VIPR2: variants seen among roughly 807,000 people sequenced by gnomAD.
The protein encoded by VIPR2 is vasoactive intestinal polypeptide receptor 2.
A neutral mutation model predicts 58.0 loss-of-function variants in VIPR2; 48 were observed. The ratio of observed to expected loss-of-function variants is 0.83; its 90% CI spans 0.66 to 1.05. The LOEUF is 1.05. VIPR2 is among the 50% of genes least tolerant of loss of function. The pLI is 0.00. For synonymous variants in VIPR2, 243 were observed against 235.2 expected (o/e 1.03, Z -0.30); for missense variants, 534 against 558.0 (o/e 0.96, Z 0.43).
In VIPR2 at chr7:159,098,465, G is replaced by A. The variant is rs905308720; in HGVS notation, c.357+5292C>T. On this transcript the variant is annotated intron_variant, in intron 4 of 12. Coordinates refer to ENST00000262178, the MANE Select transcript of VIPR2 (RefSeq NM_003382.5). This position sits in a 1 kb window ranked among gnomAD's most constrained non-coding sequence, Gnocchi z 5.2. ...GTCTTGGCAGGAAGAGGACACAGAC[G>A]GGAAGACCTTGGACAGGGAGACTGA... is the stretch of plus-strand genomic sequence containing the variant. Among the ~76,000 whole-genome samples the A allele has an allele frequency of 2.0e-5, 3 of 152,300 alleles. 1 individual carries two copies. The highest frequency in any genetic ancestry group is 4.1e-4 in the South Asian group (2 of 4,830).
intron 4 of VIPR2, among the ~76,000 whole-genome samples, chr7:159,058,844 A>G (rs532776565): frequency 1.2e-3 from 180 of 152,304 alleles, no homozygotes; most frequent in African/African-American, 4.2e-3. Context: ...AGGGAACACG[A>G]CCCGCCACCA....
rs1284867409 is a variant in VIPR2, at chr7:159,043,085, G to A, written c.547C>T (p.Leu183Phe). ...AISVLVKDDV[L>F]YSSSGTLHCP... ...TGCAACGTGCCAGAGCTGGAGTAGA[G>A]AACGTCGTCCTTGACCAGCACTGAG... Residue 183 changes from leucine (L) to phenylalanine (F), a missense_variant, in exon 6 of 13, where the codon CTC becomes TTC. This residue lies in a region of VIPR2 where 224 missense variants were observed against 255.7 expected (regional missense o/e 0.88). Coordinates refer to ENST00000262178, the MANE Select transcript of VIPR2 (RefSeq NM_003382.5). 1.2e-6 allele frequency: 2 copies of A among 1,614,170 alleles called. No homozygotes were observed. The highest frequency in any genetic ancestry group is 1.7e-6 in the Non-Finnish European group (2 of 1,180,038).
rs1404913620 is a variant in VIPR2 at position 159,032,060 on chromosome 7, C to T, written c.979G>A (p.Ala327Thr). ...GGGATAAGCAGGAGCGTGGACTTGG[C>T]CAGCCTCCTGCACAGAAGGAGATGA... is the stretch of plus-strand genomic sequence containing the variant. ...GNDQSQYKRLAKSTLLLIPLF... is the reference protein window; with the variant it reads ...GNDQSQYKRLTKSTLLLIPLF... The change falls in exon 11 of 13, where the codon GCC becomes ACC. Residue 327 changes from alanine to threonine, a missense_variant. Coordinates refer to ENST00000262178, the MANE Select transcript of VIPR2 (RefSeq NM_003382.5). The T allele has an allele frequency of 1.9e-6, 3 of 1,613,986 alleles. No homozygotes were observed. The South Asian group carries it at 3.3e-5, about 18-fold the overall frequency.
intron 7 of VIPR2, 47 bp from the exon 8 acceptor site, chr7:159,036,059 C>T (rs373116728): frequency 1.7e-5 from 27 of 1,585,256 alleles, no homozygotes; most frequent in Admixed American, 1.4e-4. Flanking sequence ...GCGGTGTGCA[C>T]GCACACAGGT....
intron 4 of VIPR2, among the ~76,000 whole-genome samples, chr7:159,085,248 A>G (rs976947222): frequency 1.3e-5 from 2 of 152,196 alleles, no homozygotes; most frequent in African/African-American, 4.8e-5. Context: ...AAGACACCAG[A>G]TTGAGTCTCA....
In VIPR2 at chr7:159,035,937, T is replaced by G; in HGVS notation, c.809+15A>C. 1.2e-6 allele frequency: 2 copies of G among 1,608,212 alleles called. No individual in the cohort carries two copies. Among genetic ancestry groups the G allele is most frequent in the Non-Finnish European group, 1.7e-6 (2 of 1,176,156 alleles). ...CGGGCCCGTTTTCGAGGTTGCAGTCTGGTCATGGACTCACCCGGTGTCTTC... is the reference window on the plus strand; with the variant it reads ...CGGGCCCGTTTTCGAGGTTGCAGTCGGGTCATGGACTCACCCGGTGTCTTC... On this transcript the variant is annotated intron_variant, in intron 8 of 12. Coordinates refer to ENST00000262178, the MANE Select transcript of VIPR2 (RefSeq NM_003382.5).
At chr7:159,069,069 C>T (rs1320746179) in intron 4 of VIPR2, among the ~76,000 whole-genome samples, 1 of 152,184 alleles carries the variant, frequency 6.6e-6, no homozygotes, top group African/African-American at 2.4e-5. Flanking sequence ...GTTCTGGTAC[C>T]TCACTGGGCA....
At chr7:159,053,863 G>A (rs1420920152) in intron 5 of VIPR2, among the ~76,000 whole-genome samples, 1 of 152,194 alleles carries the variant, frequency 6.6e-6, no homozygotes, top group East Asian at 1.9e-4. Flanking sequence ...TTTTAAAACG[G>A]CAATTGACAT....
chr7:159,136,977 G>A (rs1318376206), intron 2 of VIPR2, among the ~76,000 whole-genome samples: 1 of 152,102 alleles, frequency 6.6e-6, no homozygotes, highest in African/African-American at 2.4e-5. Flanking sequence ...GAGATCAAGG[G>A]AGGGGAGTGG....
intron 2 of VIPR2, among the ~76,000 whole-genome samples, chr7:159,119,651 C>T (rs184368105): frequency 6.6e-6 from 1 of 152,342 alleles, no homozygotes; most frequent in Admixed American, 6.5e-5. Flanking sequence ...GTGTAGTGCC[C>T]GAGGTGAAGC....
intron 4 of VIPR2, among the ~76,000 whole-genome samples, chr7:159,060,448 CTCAAT>C (rs961845223): frequency 6.6e-6 from 1 of 152,136 alleles, no homozygotes; most frequent in African/African-American, 2.4e-5. Flanking sequence ...AACCACCACT[CTCAAT>C]TCATCTAACC....
At chr7:159,103,428 C>T (rs1434867023) in intron 4 of VIPR2, among the ~76,000 whole-genome samples, 2 of 152,180 alleles carry the variant, frequency 1.3e-5, no homozygotes, top group African/African-American at 4.8e-5. Context: ...GCAGAAAGGG[C>T]ATGCTCTCCA....
chr7:159,144,486 G>T (rs1328202135), intron 1 of VIPR2: 2 of 1,540,012 alleles, frequency 1.3e-6, no homozygotes, highest in African/African-American at 1.4e-5. Context: ...GGGGCGCGGG[G>T]AAGGGCGCAG....
At chr7:159,070,570 G>A (rs1856329115) in intron 4 of VIPR2, among the ~76,000 whole-genome samples, 1 of 152,134 alleles carries the variant, frequency 6.6e-6, no homozygotes, top group Admixed American at 6.5e-5. Flanking sequence ...AGCACGTCAG[G>A]CGTTGTGGGA....
At chr7:159,051,903 TGTCTTTCAGTACTGGTAGAAAAATGTAA>T (rs1224739951) in intron 5 of VIPR2, among the ~76,000 whole-genome samples, 1 of 152,210 alleles carries the variant, frequency 6.6e-6, no homozygotes, top group Non-Finnish European at 1.5e-5. Flanking sequence ...TTTTAATACA[TGTCTTTCAGTACTGGTAGAAAAATGTAA>T]GTCTTTCAGT....
At chr7:159,140,675 G>A (rs1424269574) in intron 2 of VIPR2, among the ~76,000 whole-genome samples, 1 of 152,218 alleles carries the variant, frequency 6.6e-6, no homozygotes. Flanking sequence ...AACCAACGCT[G>A]CCTGCGAGGG....
At chr7:159,103,727 T>C (rs1250437727) in intron 4 of VIPR2, 30 bp downstream of exon 4, 3 of 1,576,372 alleles carry the variant, frequency 1.9e-6, no homozygotes, top group Non-Finnish European at 2.6e-6. Flanking sequence ...AAGTGGAACC[T>C]CACCACCGTA....
chr7:159,035,671 C>T (rs1383565676), intron 8 of VIPR2: 2 of 983,092 alleles, frequency 2.0e-6, no homozygotes, highest in Non-Finnish European at 2.4e-6. Context: ...CATCGCTGTG[C>T]CCACCGCAGG....
At chr7:159,101,374 C>T (rs868151483) in intron 4 of VIPR2, among the ~76,000 whole-genome samples, 37 of 136,666 alleles carry the variant, frequency 2.7e-4, no homozygotes, top group African/African-American at 6.2e-4. Flanking sequence ...TCACGAGATC[C>T]GACGAGGCGG....
Sources: allele counts gnomAD v4.1 joint callset (sites outside exome capture counted in the v4.1 genomes callset), GRCh38; gene constraint gnomAD v4.1.1; regional missense constraint gnomAD v4.1.1; non-coding constraint Gnocchi (gnomAD v3.1); transcripts MANE v1.5; gene names NCBI Gene and HGNC (gene_info 2026-07-23, HGNC 2026-07-21).